Variants in ETS1 observed in about 807,000 individuals in gnomAD.
ETS1 encodes the protein protein C-ets-1.
ETS1 carries 15 observed loss-of-function variants against 58.6 expected under a neutral mutation model. The observed-to-expected ratio is 0.26, with a 90% confidence interval of 0.17 to 0.39. ETS1 has a LOEUF of 0.39. ETS1 is among the 10% of genes least tolerant of loss of function. The pLI, the probability that ETS1 is intolerant of heterozygous loss-of-function variation, is 1.00. For synonymous variants in ETS1, 214 were observed against 218.2 expected, an observed-to-expected ratio of 0.98 and a Z score of 0.17; for missense variants, 417 against 610.5, an observed-to-expected ratio of 0.68 and a Z score of 3.34.
intron 3 of ETS1, among the ~76,000 whole-genome samples, chr11:128,541,620 A>T (rs181735355): frequency 1.2e-4 from 19 of 152,240 alleles, no homozygotes; most frequent in Admixed American, 1.0e-3. Context: ...TTTTGTTTTA[A>T]TTTTTGTTAC....
intron 4 of ETS1, among the ~76,000 whole-genome samples, chr11:128,490,127 G>C (rs758671460): frequency 6.6e-6 from 1 of 152,126 alleles, no homozygotes; most frequent in Non-Finnish European, 1.5e-5. Context: ...GGTTTAACCT[G>C]GCTACACCCA....
chr11:128,534,776 A>C (rs913116839), intron 3 of ETS1, among the ~76,000 whole-genome samples: 1 of 152,154 alleles, frequency 6.6e-6, no homozygotes, highest in Non-Finnish European at 1.5e-5. Context: ...TTATAGCTGC[A>C]TAGTATTCCA....
chr11:128,521,748 C>CCTCCTCCTT (rs1325118869), intron 3 of ETS1, among the ~76,000 whole-genome samples: 1 of 152,226 alleles, frequency 6.6e-6, no homozygotes, highest in Non-Finnish European at 1.5e-5. Flanking sequence ...TCCTCCTCCT[C>CCTCCTCCTT]CTCCTCCTTC....
intron 3 of ETS1, among the ~76,000 whole-genome samples, chr11:128,552,876 A>G (rs1864253793): frequency 6.6e-6 from 1 of 152,234 alleles, no homozygotes; most frequent in East Asian, 1.9e-4. Flanking sequence ...CAGTCATGAC[A>G]GTTAATGACG....
chr11:128,573,090 G>A lies in ETS1; in HGVS notation c.41C>T (p.Pro14Leu). Residue 14 changes from proline (P) to leucine (L), a missense_variant, in exon 2 of 10, where the codon CCT (proline) becomes CTT (leucine). Pro to Leu is a moderately conservative substitution (Grantham distance 98). Transcript: ENST00000392668. Reference sequence around the variant, plus strand: ...CACTGCAGGACGAGGCGCTGAGTAAGGGACGGGGCTGCTCCCAGCAGAATC... The same window carrying A: ...CACTGCAGGACGAGGCGCTGAGTAAAGGACGGGGCTGCTCCCAGCAGAATC... ...FVDSAGSSPV[P>L]YSAPRPAVVR... 1 of 1,603,916 alleles carries A rather than the reference G, an allele frequency of 6.2e-7. No homozygotes were observed. The highest frequency in any genetic ancestry group is 1.1e-5 in the South Asian group (1 of 88,560).
At chr11:128,485,612 A>G (rs1862608214) in intron 6 of ETS1, among the ~76,000 whole-genome samples, 1 of 152,200 alleles carries the variant, frequency 6.6e-6, no homozygotes, top group Non-Finnish European at 1.5e-5. Flanking sequence ...ACGAAAAAGG[A>G]GAAGACTGTA....
intron 3 of ETS1, among the ~76,000 whole-genome samples, chr11:128,512,388 G>C (rs1863415120): frequency 1.3e-5 from 2 of 152,166 alleles, no homozygotes; most frequent in Non-Finnish European, 2.9e-5. Context: ...CGTTTTCCTT[G>C]TTTTTCCCCC....
At chr11:128,544,745 A>C (rs1433175447) in intron 3 of ETS1, among the ~76,000 whole-genome samples, 1 of 152,112 alleles carries the variant, frequency 6.6e-6, no homozygotes, top group Non-Finnish European at 1.5e-5. Flanking sequence ...GAGGAGAGAA[A>C]TGGTATTTAA....
chr11:128,551,031 C>A (rs4245079), intron 3 of ETS1, among the ~76,000 whole-genome samples: 69,084 of 152,010 alleles, frequency 0.45, 16,316 homozygotes, highest in East Asian at 0.81. Context: ...TTACAACATC[C>A]CTAAAGCACA....
rs1861852258 is a variant in ETS1, at chr11:128,459,589, T to C, written c.*2772A>G. On this transcript the variant is annotated 3_prime_UTR_variant, in exon 10 of 10. Transcript: ENST00000392668. ...AGGGTTTCACCCAGCTAGACCAGAT[T>C]TGCCCATCCTTCCTCTGAAGTTAAC... The C allele has an allele frequency of 6.5e-6, 1 of 152,808 alleles. No individual in the cohort carries two copies. Among genetic ancestry groups the C allele is most frequent in the African/African-American group, 2.4e-5 (1 of 41,458 alleles). 9.5% of individuals were successfully genotyped at this position (152,808 alleles called of 1,614,324 possible). A position where few individuals can be genotyped will look rare whatever the true frequency, so the allele number is the denominator to read the frequency against.
intron 2 of ETS1, among the ~76,000 whole-genome samples, chr11:128,557,254 G>T (rs1864326947): frequency 6.6e-6 from 1 of 152,296 alleles, no homozygotes; most frequent in Non-Finnish European, 1.5e-5. Flanking sequence ...TATAGCTCTA[G>T]CTACTCGGGA....
chr11:128,520,661 G>A (rs1452364635), intron 3 of ETS1, among the ~76,000 whole-genome samples: 1 of 152,174 alleles, frequency 6.6e-6, no homozygotes, highest in African/African-American at 2.4e-5. Context: ...ATCCTTGCGA[G>A]GAGACAAAAT....
At chr11:128,516,255 G>A (rs1385969901) in intron 3 of ETS1, among the ~76,000 whole-genome samples, 1 of 152,186 alleles carries the variant, frequency 6.6e-6, no homozygotes, top group African/African-American at 2.4e-5. Context: ...AAAGCAGAAA[G>A]TAGCTAGAGA....
chr11:128,491,201 T>C (rs1862789808), intron 3 of ETS1, among the ~76,000 whole-genome samples: 1 of 152,024 alleles, frequency 6.6e-6, no homozygotes, highest in Non-Finnish European at 1.5e-5. Context: ...CCTATGAAAA[T>C]GAAATAACAA....
chr11:128,573,286 T>C (rs1864675973), intron 1 of ETS1, 142 bp from the exon 2 acceptor site: 1 of 629,286 alleles, frequency 1.6e-6, no homozygotes, highest in Non-Finnish European at 2.8e-6. Context: ...GGGAAAGCAA[T>C]GGAAATTCAG....
intron 3 of ETS1, among the ~76,000 whole-genome samples, chr11:128,511,282 G>A (rs1863386573): frequency 6.6e-6 from 1 of 151,874 alleles, no homozygotes; most frequent in South Asian, 2.1e-4. Flanking sequence ...ACAAAAATTG[G>A]ACATCTATTA....
rs1347322279 is a variant in ETS1, at chr11:128,485,078, A to G, written c.614-7T>C. ...GCATGCTCAATACCATAGCCTGGAA[A>G]CAAAGGGTTTGCAAGTAAAGAGAGG... On this transcript the variant is annotated splice_region_variant and splice_polypyrimidine_tract_variant and intron_variant, in intron 6 of 9. Transcript: ENST00000392668. 6.8e-6 allele frequency: 11 copies of G among 1,607,384 alleles called. No homozygotes were observed. Among genetic ancestry groups the G allele is most frequent in the East Asian group, 4.5e-5 (2 of 44,714 alleles).
intron 8 of ETS1, among the ~76,000 whole-genome samples, chr11:128,467,443 T>C (rs1034853631): frequency 2.6e-5 from 4 of 152,154 alleles, no homozygotes; most frequent in Non-Finnish European, 5.9e-5. Flanking sequence ...TTCTGTGTGC[T>C]TAGCGGAGGT....
chr11:128,534,891 G>A (rs193203807), intron 3 of ETS1, among the ~76,000 whole-genome samples: 60 of 152,262 alleles, frequency 3.9e-4, no homozygotes, highest in African/African-American at 1.4e-3. Flanking sequence ...GAACATACGC[G>A]TGCATGTTAT....
Sources: gnomAD v4.1 joint callset for allele counts (sites outside exome capture counted in the v4.1 genomes callset) on GRCh38, gnomAD v4.1.1 for gene constraint, MANE v1.5 for transcripts, NCBI Gene and HGNC (gene_info 2026-07-23, HGNC 2026-07-21) for gene names.